The following CDC123 variants were observed in gnomAD, a reference collection of about 807,000 sequenced individuals.
CDC123 encodes translation initiation factor eIF2 assembly protein.
A neutral mutation model predicts 54.4 loss-of-function variants in CDC123; 37 were observed. The observed-to-expected ratio is 0.68, with a 90% CI of 0.52 to 0.89. The LOEUF (loss-of-function observed/expected upper bound fraction) is 0.89, where lower values mean the gene tolerates loss of function less well. Ranked by LOEUF, CDC123 falls within the 40% of genes least tolerant of loss-of-function variation. The pLI, the probability that CDC123 is intolerant of heterozygous loss-of-function variation, is 0.00. For missense variants in CDC123, 361 were observed against 412.1 expected (o/e 0.88, Z 1.07); for synonymous variants, 144 against 136.8 (o/e 1.05, Z -0.37).
intron 6 of CDC123, among the ~76,000 whole-genome samples, chr10:12,217,890 C>A (rs1835682522): frequency 6.6e-6 from 1 of 152,102 alleles, no homozygotes; most frequent in Non-Finnish European, 1.5e-5. Context: ...GAGTTCAAGA[C>A]CAGCCTGGCC....
At chr10:12,235,732 C>T (rs1480771278) in intron 8 of CDC123, among the ~76,000 whole-genome samples, 1 of 152,160 alleles carries the variant, frequency 6.6e-6, no homozygotes, top group Non-Finnish European at 1.5e-5. Flanking sequence ...ATCACATCAG[C>T]ACTATTGATG....
At chr10:12,226,014 C>T (rs939245869) in intron 6 of CDC123, among the ~76,000 whole-genome samples, 46 of 152,096 alleles carry the variant, frequency 3.0e-4, no homozygotes, top group Non-Finnish European at 5.4e-4. Flanking sequence ...ACATCTTGCA[C>T]CGCCCTTAAT....
chr10:12,248,693 C>T (rs112783459), intron 11 of CDC123, among the ~76,000 whole-genome samples: 20,739 of 151,868 alleles, frequency 0.14, 1,682 homozygotes, highest in South Asian at 0.2. Context: ...GTAATCCCAG[C>T]CACTCGGGAG....
intron 4 of CDC123, among the ~76,000 whole-genome samples, chr10:12,213,343 C>G (rs946204806): frequency 5.3e-5 from 8 of 152,162 alleles, no homozygotes; most frequent in Non-Finnish European, 1.2e-4. Flanking sequence ...GTCACAGCTG[C>G]GCAGCCTGAG....
At chr10:12,219,006 G>A (rs185042934) in intron 6 of CDC123, among the ~76,000 whole-genome samples, 1 of 152,322 alleles carries the variant, frequency 6.6e-6, no homozygotes, top group Non-Finnish European at 1.5e-5. Context: ...CCAGAACCTA[G>A]AAGCAGGAGC....
chr10:12,208,952 G>A (rs934442728), intron 2 of CDC123, among the ~76,000 whole-genome samples: 2 of 152,166 alleles, frequency 1.3e-5, no homozygotes, highest in South Asian at 4.1e-4. Context: ...CGCACACCCT[G>A]TTTTCACTGT....
At chr10:12,243,416 G>C (rs142950469) in intron 10 of CDC123, among the ~76,000 whole-genome samples, 14 of 151,724 alleles carry the variant, frequency 9.2e-5, no homozygotes, top group African/African-American at 3.4e-4. Flanking sequence ...ATGTGGTTTG[G>C]TTTTTTGCAT....
At chr10:12,233,547 C>T (rs1835933119) in intron 7 of CDC123, among the ~76,000 whole-genome samples, 2 of 151,868 alleles carry the variant, frequency 1.3e-5, no homozygotes, top group Non-Finnish European at 2.9e-5. Context: ...TTGTGTGCTA[C>T]AATTGCTTAT....
At chr10:12,224,954 T>C (rs1439410467) in intron 6 of CDC123, among the ~76,000 whole-genome samples, 2 of 152,150 alleles carry the variant, frequency 1.3e-5, no homozygotes, top group Non-Finnish European at 2.9e-5. Flanking sequence ...AGTTTGATGC[T>C]TCCTTCCTTT....
intron 6 of CDC123, among the ~76,000 whole-genome samples, chr10:12,229,741 G>T (rs1368581475): frequency 1.3e-5 from 2 of 152,234 alleles, no homozygotes; most frequent in Non-Finnish European, 2.9e-5. Flanking sequence ...GCATAGATGG[G>T]CATTTAATAA....
chr10:12,202,725 A>G (rs971360420), intron 2 of CDC123, among the ~76,000 whole-genome samples: 2 of 152,204 alleles, frequency 1.3e-5, no homozygotes, highest in Non-Finnish European at 2.9e-5. Flanking sequence ...ATCATAAAGG[A>G]TGTTACAGCC....
At chr10:12,232,861 G>A (rs1227392164) in intron 7 of CDC123, among the ~76,000 whole-genome samples, 1 of 150,796 alleles carries the variant, frequency 6.6e-6, no homozygotes, top group Non-Finnish European at 1.5e-5. Context: ...TCCGGTTCAC[G>A]CCATTCTCCT....
chr10:12,220,509 C>T (rs562221516), intron 6 of CDC123, among the ~76,000 whole-genome samples: 6 of 152,362 alleles, frequency 3.9e-5, no homozygotes, highest in Admixed American at 3.9e-4. Flanking sequence ...AAGCACTGGG[C>T]TTTCAGCCTT....
intron 10 of CDC123, among the ~76,000 whole-genome samples, chr10:12,242,357 C>T (rs1049007371): frequency 6.6e-6 from 1 of 152,180 alleles, no homozygotes; most frequent in Non-Finnish European, 1.5e-5. Flanking sequence ...CCTGTTCTTG[C>T]CTCTCTTGAA....
intron 7 of CDC123, among the ~76,000 whole-genome samples, chr10:12,231,515 C>T (rs997787183): frequency 1.3e-5 from 2 of 151,288 alleles, no homozygotes; most frequent in South Asian, 2.1e-4. Flanking sequence ...ATCCCAGCTA[C>T]TCAGGAGATT....
At position 12,237,215 on chromosome 10, in the gene CDC123, A is replaced by C. The variant is rs113251077; in HGVS notation, c.637A>C (p.Ile213Leu). 4.4e-6 allele frequency: 7 copies of C among 1,591,054 alleles called. No individual in the cohort carries two copies. Among genetic ancestry groups the C allele is most frequent in the Non-Finnish European group, 6.0e-6 (7 of 1,172,190 alleles). ...SKQKEEIRRC[I>L]QDFFKKHIQY... ...ACAAAAGGAAGAAATTCGCAGATGC[A>C]TACAAGACTTTTTCAAGAAACACAT... Residue 213 changes from isoleucine (I) to leucine (L), a missense_variant, in exon 9 of 13, where the codon ATA (isoleucine) becomes CTA (leucine). Ile to Leu is a conservative substitution (Grantham distance 5, BLOSUM62 2). Transcript: ENST00000281141.
Position 12,229,929 on chromosome 10 carries a change from A to G in CDC123, c.441-1019A>G, listed in dbSNP as rs1250008521. Among the ~76,000 whole-genome samples, 64 of 152,302 alleles carry G rather than the reference A, an allele frequency of 4.2e-4. 1 individual carries two copies. Among genetic ancestry groups the G allele is most frequent in the Non-Finnish European group, 1.0e-4 (7 of 68,026 alleles). ...GAGAGAGAAGTAGGCTGCTGGCTCC[A>G]CTGTAAGATGCACACAACAAGAACG... On this transcript the variant is annotated intron_variant, in intron 6 of 12. Coordinates refer to ENST00000281141, the MANE Select transcript of CDC123 (RefSeq NM_006023.3).
intron 4 of CDC123, among the ~76,000 whole-genome samples, chr10:12,212,024 G>A (rs1225916051): frequency 6.6e-6 from 1 of 152,128 alleles, no homozygotes; most frequent in Non-Finnish European, 1.5e-5. Context: ...GGAGGTGGAG[G>A]TTGCAGTGAA....
chr10:12,226,659 G>C (rs1835820853), intron 6 of CDC123, among the ~76,000 whole-genome samples: 1 of 141,544 alleles, frequency 7.1e-6, no homozygotes, highest in African/African-American at 2.6e-5. Context: ...CCAGACGATG[G>C]GCTGCGGGGC....
Sources: allele counts gnomAD v4.1 joint callset (sites outside exome capture counted in the v4.1 genomes callset), GRCh38; gene constraint gnomAD v4.1.1; transcripts MANE v1.5; gene names NCBI Gene and HGNC (gene_info 2026-07-23, HGNC 2026-07-21).